Variants in LRRC4C observed in about 807,000 individuals in gnomAD.
LRRC4C encodes the protein leucine rich repeat containing 4C, also known as leucine-rich repeat-containing protein 4C.
LRRC4C carries 5 observed loss-of-function variants against 33.6 expected under a neutral mutation model. That is an observed-to-expected ratio of 0.15 (90% confidence interval 0.08 to 0.31). The LOEUF is 0.31. Among genes scored for constraint, LRRC4C ranks in the 10% least tolerant of loss-of-function variants. The pLI, the probability that LRRC4C is intolerant of heterozygous loss-of-function variation, is 1.00. For synonymous variants in LRRC4C, 329 were observed against 302.0 expected (o/e 1.09, Z -0.93); for missense variants, 560 against 796.7 (o/e 0.70, Z 3.58).
At chr11:41,420,912 G>C (rs939217886) in intron 1 of LRRC4C, among the ~76,000 whole-genome samples, 1 of 151,826 alleles carries the variant, frequency 6.6e-6, no homozygotes, top group Non-Finnish European at 1.5e-5. Flanking sequence ...TGAGGAAAAA[G>C]GTATTTCCTT....
At chr11:40,899,803 T>A (rs1167463501) in intron 2 of LRRC4C, among the ~76,000 whole-genome samples, 1 of 152,140 alleles carries the variant, frequency 6.6e-6, no homozygotes, top group African/African-American at 2.4e-5. Context: ...AACTGGTAGA[T>A]CAAAGAACAT....
chr11:40,541,832 A>T (rs959821831), intron 3 of LRRC4C, among the ~76,000 whole-genome samples: 1 of 152,120 alleles, frequency 6.6e-6, no homozygotes, highest in Admixed American at 6.6e-5. Context: ...GAAAGCCAAG[A>T]ATGCTATGGA....
intron 2 of LRRC4C, among the ~76,000 whole-genome samples, chr11:40,750,840 C>T (rs1394493015): frequency 1.3e-5 from 2 of 150,246 alleles, no homozygotes; most frequent in Non-Finnish European, 3.0e-5. Context: ...GAGACCAATA[C>T]CCCTGCTGAA....
intron 3 of LRRC4C, among the ~76,000 whole-genome samples, chr11:40,647,650 AG>A (rs1296417555): frequency 1.3e-5 from 2 of 152,206 alleles, no homozygotes; most frequent in African/African-American, 4.8e-5. Context: ...CGATCTCCCC[AG>A]GTTTTCAAAG....
intron 1 of LRRC4C, among the ~76,000 whole-genome samples, chr11:41,082,345 T>TAGC (rs111574275): frequency 1.8e-4 from 28 of 152,014 alleles, no homozygotes; most frequent in African/African-American, 6.8e-4. Flanking sequence ...GTTCAGAGGT[T>TAGC]AGCAGCATTG....
intron 1 of LRRC4C, among the ~76,000 whole-genome samples, chr11:41,175,157 C>A (rs1305868563): frequency 4.6e-5 from 7 of 152,100 alleles, no homozygotes; most frequent in East Asian, 3.9e-4. Flanking sequence ...GTAAAAAATA[C>A]CTGTGATTCC....
intron 3 of LRRC4C, among the ~76,000 whole-genome samples, chr11:40,333,858 C>T (rs1005623457): frequency 7.9e-5 from 12 of 151,118 alleles, no homozygotes; most frequent in Admixed American, 2.0e-4. Context: ...CACCGCTAAG[C>T]GATATGTTTT....
chr11:40,802,705 A>C (rs2135298642), intron 2 of LRRC4C, among the ~76,000 whole-genome samples: 1 of 152,334 alleles, frequency 6.6e-6, no homozygotes, highest in South Asian at 2.1e-4. Flanking sequence ...GAGAAAAAAC[A>C]GAAATTTAAG....
intron 2 of LRRC4C, among the ~76,000 whole-genome samples, chr11:40,661,425 C>A (rs1034755315): frequency 3.3e-5 from 5 of 152,124 alleles, no homozygotes; most frequent in African/African-American, 9.7e-5. Flanking sequence ...CTAGGATGAA[C>A]TTGAATTTAA....
chr11:40,975,119 C>T (rs1026048516), intron 1 of LRRC4C, among the ~76,000 whole-genome samples: 4 of 152,328 alleles, frequency 2.6e-5, no homozygotes, highest in African/African-American at 4.8e-5. Flanking sequence ...TATATCTATA[C>T]TTTTATCTAT....
At chr11:41,315,446 C>T (rs752629285) in intron 1 of LRRC4C, among the ~76,000 whole-genome samples, 1 of 152,122 alleles carries the variant, frequency 6.6e-6, no homozygotes, top group South Asian at 2.1e-4. Context: ...AAACAGGTGT[C>T]GTGTCATGAG....
chr11:41,176,231 C>T (rs1390636531), intron 1 of LRRC4C, among the ~76,000 whole-genome samples: 1 of 152,088 alleles, frequency 6.6e-6, no homozygotes, highest in African/African-American at 2.4e-5. Flanking sequence ...TTTTTAAAAC[C>T]TGGTTCATTT....
intron 4 of LRRC4C, among the ~76,000 whole-genome samples, chr11:40,310,465 C>T (rs1056901177): frequency 3.9e-5 from 6 of 152,172 alleles, no homozygotes; most frequent in Non-Finnish European, 8.8e-5. Flanking sequence ...GCTATAGTAA[C>T]ATCAATAAAC....
At chr11:41,395,613 C>T (rs1953777981) in intron 1 of LRRC4C, among the ~76,000 whole-genome samples, 1 of 151,922 alleles carries the variant, frequency 6.6e-6, no homozygotes, top group Admixed American at 6.6e-5. Flanking sequence ...ATTATTAACA[C>T]CCATTTTACA....
At chr11:41,349,466 A>G (rs1365709402) in intron 1 of LRRC4C, among the ~76,000 whole-genome samples, 2 of 150,816 alleles carry the variant, frequency 1.3e-5, no homozygotes, top group African/African-American at 5.0e-5. Flanking sequence ...AAAAAACAAA[A>G]CAAAACAAAA....
chr11:40,480,496 G>C (rs1953496206), intron 3 of LRRC4C, among the ~76,000 whole-genome samples: 1 of 151,852 alleles, frequency 6.6e-6, no homozygotes, highest in Non-Finnish European at 1.5e-5. Flanking sequence ...GAGGAGGGTG[G>C]GGATCAAAAA....
At chr11:40,813,257 A>G (rs1237167388) in intron 2 of LRRC4C, among the ~76,000 whole-genome samples, 1 of 152,204 alleles carries the variant, frequency 6.6e-6, no homozygotes, top group Non-Finnish European at 1.5e-5. Context: ...ATAATTTATA[A>G]AGGAAAGAGG....
Position 40,593,877 on chromosome 11 carries a change from A to G in LRRC4C, c.-270+54265T>C, listed in dbSNP as rs529059810. ...CTTTAGATTTATTTAAAAATTTAAA[A>G]TAACTCAAAGGTGACAGGAACAAGT... On this transcript the variant is annotated intron_variant, in intron 3 of 6. Coordinates refer to ENST00000528697, the MANE Select transcript of LRRC4C (RefSeq NM_001258419.2). Among the ~76,000 whole-genome samples, 7 of 152,340 alleles carry G rather than the reference A, an allele frequency of 4.6e-5. No individual in the cohort carries two copies. In the South Asian group the frequency reaches 1.0e-3, roughly 23 times the overall value.
intron 1 of LRRC4C, among the ~76,000 whole-genome samples, chr11:40,970,277 G>T (rs576587851): frequency 3.4e-4 from 51 of 152,216 alleles, no homozygotes; most frequent in Admixed American, 2.4e-3. Context: ...TTGGTTCATG[G>T]GGGCAGTTTC....
Sources: allele counts gnomAD v4.1 joint callset (sites outside exome capture counted in the v4.1 genomes callset), GRCh38; gene constraint gnomAD v4.1.1; transcripts MANE v1.5; gene names NCBI Gene and HGNC (gene_info 2026-07-23, HGNC 2026-07-21).